MYBPHL: variants seen among roughly 807,000 people sequenced by gnomAD.
MYBPHL encodes myosin binding protein H like, also known as myosin-binding protein H-like.
Under a neutral mutation model 39.5 loss-of-function variants are expected in MYBPHL, and 32 were observed. The ratio of observed to expected loss-of-function variants is 0.81; its 90% confidence interval spans 0.61 to 1.09. The LOEUF (loss-of-function observed/expected upper bound fraction) is 1.09, where lower values mean the gene tolerates loss of function less well. MYBPHL is among the 50% of genes least tolerant of loss of function. MYBPHL has a pLI of 0.00. For missense variants in MYBPHL, 456 were observed against 460.2 expected, an observed-to-expected ratio of 0.99 and a Z score of 0.08; for synonymous variants, 196 against 183.7, an observed-to-expected ratio of 1.07 and a Z score of -0.54.
At chr1:109,302,566 T>G (rs899031025) in intron 1 of MYBPHL, among the ~76,000 whole-genome samples, 6 of 152,036 alleles carry the variant, frequency 3.9e-5, no homozygotes, top group Non-Finnish European at 7.4e-5. Flanking sequence ...CAACACCCTC[T>G]CCATGCGGTA....
At chr1:109,300,139 A>G (rs1021903197) in intron 1 of MYBPHL, among the ~76,000 whole-genome samples, 1 of 152,156 alleles carries the variant, frequency 6.6e-6, no homozygotes, top group African/African-American at 2.4e-5. Context: ...GGCATTAGGA[A>G]GGGCCTGTAA....
In MYBPHL at chr1:109,297,184, G is replaced by T; in HGVS notation, c.436C>A (p.Pro146Thr). Residue 146 changes from proline to threonine, a missense_variant, in exon 4 of 9, where the codon CCA becomes ACA. Pro to Thr is a conservative substitution (Grantham distance 38). Coordinates refer to ENST00000357155, the MANE Select transcript of MYBPHL (RefSeq NM_001010985.3). ...ATIDILVIERPGPPQSIKLVD... is the reference protein window; with the variant it reads ...ATIDILVIERTGPPQSIKLVD... ...AGCTTAATACTCTGAGGAGGGCCTG[G>T]CCTCTCTGAAAGGGCAAAGCCATGG... 1 of 1,614,194 alleles carries T rather than the reference G, an allele frequency of 6.2e-7. No homozygotes were observed. The highest frequency in any genetic ancestry group is 8.5e-7 in the Non-Finnish European group (1 of 1,180,032).
At chr1:109,302,630 G>A (rs638542) in intron 1 of MYBPHL, among the ~76,000 whole-genome samples, 100,178 of 151,816 alleles carry the variant, frequency 0.66, 34,544 homozygotes, top group East Asian at 0.96. Context: ...TCCAGTCCCC[G>A]TAGGGTCTCT....
At chr1:109,305,304 G>A (rs1658425963) in intron 1 of MYBPHL, among the ~76,000 whole-genome samples, 1 of 152,316 alleles carries the variant, frequency 6.6e-6, no homozygotes, top group East Asian at 1.9e-4. Context: ...GTTAACAGAT[G>A]CACATATATT....
In MYBPHL at chr1:109,296,931, C is replaced by A; in HGVS notation, c.582G>T (p.Thr194=). ...TGGTGCGGTGATAGTGCTCCAGCAC[C>A]GTGAACCACAGCTGCGGGGCCGAAC... The part of the protein sequence containing the change: ...KADTKSGLWF[T]VLEHYHRTSC... Residue 194 remains threonine (T), a synonymous_variant, in exon 5 of 9, where the codon ACG becomes ACT. Coordinates refer to ENST00000357155, the MANE Select transcript of MYBPHL (RefSeq NM_001010985.3). The A allele has an allele frequency of 6.2e-7, 1 of 1,614,126 alleles. No individual in the cohort carries two copies.
chr1:109,293,398 A>C (rs1657932096), intron 8 of MYBPHL, among the ~76,000 whole-genome samples: 1 of 152,222 alleles, frequency 6.6e-6, no homozygotes, highest in African/African-American at 2.4e-5. Flanking sequence ...ACAAAAGCAG[A>C]CTGCATCTAC....
At chr1:109,305,287 C>T (rs1320373663) in intron 1 of MYBPHL, among the ~76,000 whole-genome samples, 1 of 152,306 alleles carries the variant, frequency 6.6e-6, no homozygotes, top group East Asian at 1.9e-4. Context: ...CTTCTTTGTT[C>T]CAAGTAGTTA....
chr1:109,304,820 A>G (rs1570859865), intron 1 of MYBPHL, among the ~76,000 whole-genome samples: 1 of 152,352 alleles, frequency 6.6e-6, no homozygotes, highest in South Asian at 2.1e-4. Flanking sequence ...TTATTTAGCC[A>G]TGTAGCAGGC....
intron 8 of MYBPHL, 71 bp downstream of exon 8, chr1:109,294,135 G>T: frequency 9.7e-7 from 1 of 1,029,674 alleles, no homozygotes; most frequent in Non-Finnish European, 1.5e-6. Context: ...ATGCACCTCT[G>T]TCCCTGACTC....
rs184070838 is a variant in MYBPHL, at chr1:109,297,474, G to A, written c.378C>T (p.Arg126=). ...QRADSGRYQL[R]VQLGGLEATA... ...TGGCCTCCAGCCCACCCAGCTGCAC[G>A]CGGAGTTGGTAGCGACCTGAGTCAG... The change falls in exon 3 of 9, where the codon CGC becomes CGT. Residue 126 remains arginine, a synonymous_variant. Transcript: ENST00000357155. 91 of 1,613,284 alleles carry A rather than the reference G, an allele frequency of 5.6e-5. No individual in the cohort carries two copies. Among genetic ancestry groups the A allele is most frequent in the Non-Finnish European group, 6.9e-5 (81 of 1,180,022 alleles).
At chr1:109,298,723 C>G (rs1170654430) in intron 1 of MYBPHL, among the ~76,000 whole-genome samples, 1 of 152,110 alleles carries the variant, frequency 6.6e-6, no homozygotes, top group Admixed American at 6.6e-5. Flanking sequence ...GGAGAATGCT[C>G]TCCATTCTGC....
Position 109,297,464 on chromosome 1 carries a change from C to A in MYBPHL, c.388G>T (p.Gly130Cys). Residue 130 changes from glycine to cysteine, a missense_variant, in exon 3 of 9, where the codon GGT becomes TGT. Transcript: ENST00000357155. Reference protein sequence around the residue: ...SGRYQLRVQLGGLEATATIDI... With the variant: ...SGRYQLRVQLCGLEATATIDI... ...ATGGTGGCGGTGGCCTCCAGCCCAC[C>A]CAGCTGCACGCGGAGTTGGTAGCGA... 1 of 1,613,224 alleles carries A rather than the reference C, an allele frequency of 6.2e-7. No homozygotes were observed.
At position 109,296,857 on chromosome 1, in the gene MYBPHL, A is replaced by G. The variant is rs757522364; in HGVS notation, c.656T>C (p.Val219Ala). ...GAGTCCGCACTGGTTTTCAGCAAAGACACGGAAGGCATAGGAGTTGCCGAT... is the reference window on the plus strand; with the variant it reads ...GAGTCCGCACTGGTTTTCAGCAAAGGCACGGAAGGCATAGGAGTTGCCGAT... ...LIIGNSYAFR[V>A]FAENQCGLSE... The change falls in exon 5 of 9, where the codon GTC becomes GCC. Residue 219 changes from valine to alanine, a missense_variant. Coordinates refer to ENST00000357155, the MANE Select transcript of MYBPHL (RefSeq NM_001010985.3). 6.2e-7 allele frequency: 1 copy of G among 1,614,148 alleles called. No individual in the cohort carries two copies. Among genetic ancestry groups the G allele is most frequent in the East Asian group, 2.2e-5 (1 of 44,870 alleles).
intron 1 of MYBPHL, among the ~76,000 whole-genome samples, chr1:109,304,732 G>C (rs1018706356): frequency 6.6e-6 from 1 of 152,192 alleles, no homozygotes; most frequent in African/African-American, 2.4e-5. Context: ...GCCAAGCTTT[G>C]TCTCCAGGAC....
intron 1 of MYBPHL, among the ~76,000 whole-genome samples, chr1:109,300,751 G>A (rs993039407): frequency 6.7e-6 from 1 of 148,174 alleles, no homozygotes; most frequent in African/African-American, 2.6e-5. Context: ...CAAGGAAGGA[G>A]GCTGCCCGCG....
intron 6 of MYBPHL, 103 bp downstream of exon 6, chr1:109,296,131 T>C (rs1467183349): frequency 1.4e-6 from 2 of 1,403,650 alleles, no homozygotes; most frequent in South Asian, 2.7e-5. Flanking sequence ...ATGGCGGTGA[T>C]GGTAACAGAT....
chr1:109,296,596 G>A (rs758394759), intron 5 of MYBPHL, among the ~76,000 whole-genome samples, 187 bp downstream of exon 5: 1 of 152,070 alleles, frequency 6.6e-6, no homozygotes, highest in Non-Finnish European at 1.5e-5. Flanking sequence ...GCACCACCAT[G>A]CCTGGCTAAT....
Position 109,295,194 on chromosome 1 carries a change from C to T in MYBPHL, c.971G>A (p.Gly324Asp), listed in dbSNP as rs1388539034. 3 of 1,614,020 alleles carry T rather than the reference C, an allele frequency of 1.9e-6. No homozygotes were observed. Among genetic ancestry groups the T allele is most frequent in the African/African-American group, 2.7e-5 (2 of 74,902 alleles). Residue 324 changes from glycine to aspartate, a missense_variant, in exon 7 of 9, where the codon GGT (glycine) becomes GAT (aspartate). By Grantham distance (94) the Gly-to-Asp change is moderately conservative (BLOSUM62 -1). Coordinates refer to ENST00000357155, the MANE Select transcript of MYBPHL (RefSeq NM_001010985.3). Reference protein sequence around the residue: ...GICSLEIRKPGPFDGGIYTCK... With the variant: ...GICSLEIRKPDPFDGGIYTCK... ...GGTATAGATGCCTCCATCAAAGGGA[C>T]CCGGCTTGCGGATCTCTAGGGAGCA... is the stretch of plus-strand genomic sequence containing the variant.
chr1:109,306,321 C>T (rs1488540785), intron 1 of MYBPHL, among the ~76,000 whole-genome samples: 1 of 152,098 alleles, frequency 6.6e-6, no homozygotes, highest in African/African-American at 2.4e-5. Context: ...GGAGCTCAGA[C>T]TCTGAGGGGT....
Sources: allele counts gnomAD v4.1 joint callset (sites outside exome capture counted in the v4.1 genomes callset), GRCh38; gene constraint gnomAD v4.1.1; transcripts MANE v1.5; gene names NCBI Gene and HGNC (gene_info 2026-07-23, HGNC 2026-07-21).